The following MECR variants were observed in gnomAD, a reference collection of about 807,000 sequenced individuals.
MECR encodes the protein mitochondrial trans-2-enoyl-CoA reductase.
MECR carries 37 observed loss-of-function variants against 49.1 expected under a neutral mutation model. The ratio of observed to expected loss-of-function variants is 0.75; its 90% confidence interval spans 0.58 to 0.99. MECR has a LOEUF of 0.99. MECR is among the 50% of genes least tolerant of loss of function. The pLI is 0.00. For synonymous variants in MECR, 198 were observed against 191.1 expected, an observed-to-expected ratio of 1.04 and a Z score of -0.30; for missense variants, 470 against 479.6, an observed-to-expected ratio of 0.98 and a Z score of 0.19.
chr1:29,215,245 C>T (rs1375825120), intron 3 of MECR, among the ~76,000 whole-genome samples: 1 of 152,184 alleles, frequency 6.6e-6, no homozygotes, highest in Non-Finnish European at 1.5e-5. Context: ...CCTCATTTTA[C>T]ATCCTCCACA....
intron 1 of MECR, 62 bp downstream of exon 1, chr1:29,230,669 G>A: frequency 6.6e-7 from 1 of 1,526,478 alleles, no homozygotes; most frequent in East Asian, 2.5e-5. Context: ...CCAGTCCGCA[G>A]CTCGTGTTAA....
chr1:29,194,354 A>G (rs1673456117), intron 9 of MECR, among the ~76,000 whole-genome samples, 175 bp from the exon 10 acceptor site: 1 of 152,150 alleles, frequency 6.6e-6, no homozygotes, highest in Non-Finnish European at 1.5e-5. Flanking sequence ...GCCTGTCTTT[A>G]GGACAGTGAG....
chr1:29,178,813 C>A, the MECR span, among the ~76,000 whole-genome samples: 1 of 152,198 alleles, frequency 6.6e-6, no homozygotes, highest in African/African-American at 2.4e-5. Context: ...AGCGTTTTTG[C>A]CATACAGGCA....
At chr1:29,214,455 G>A (rs985640702) in intron 3 of MECR, among the ~76,000 whole-genome samples, 2 of 150,848 alleles carry the variant, frequency 1.3e-5, no homozygotes, top group Admixed American at 1.3e-4. Flanking sequence ...TCCACCTACT[G>A]AGTTCAAGAG....
downstream of MECR, among the ~76,000 whole-genome samples, chr1:29,188,939 A>G (rs1340166657): frequency 3.4e-5 from 5 of 148,092 alleles, no homozygotes; most frequent in East Asian, 8.1e-4. Context: ...CGCCCAGCCT[A>G]TGTTAACTTT....
the MECR span, chr1:29,172,863 C>CAAA: frequency 6.0e-4 from 90 of 149,474 alleles, no homozygotes; most frequent in African/African-American, 2.1e-3. Flanking sequence ...ATTAGGAGAC[C>CAAA]AAAAAAAAGG....
intron 3 of MECR, among the ~76,000 whole-genome samples, chr1:29,208,268 A>C (rs1336590688): frequency 6.6e-6 from 1 of 152,256 alleles, no homozygotes; most frequent in African/African-American, 2.4e-5. Flanking sequence ...CTGGGATTAC[A>C]GGCGTGAGCC....
At chr1:29,203,291 G>C (rs1675784398) in intron 4 of MECR, 58 bp from the exon 5 acceptor site, 1 of 1,372,404 alleles carries the variant, frequency 7.3e-7, no homozygotes, top group Non-Finnish European at 1.0e-6. Flanking sequence ...ATAGGTCAAA[G>C]GCTCCCAGCC....
the MECR span, among the ~76,000 whole-genome samples, chr1:29,176,434 C>A: frequency 1.3e-5 from 2 of 148,568 alleles, no homozygotes; most frequent in South Asian, 4.2e-4. Flanking sequence ...AATACGGTAA[C>A]GATGAATGAC....
intron 1 of MECR, among the ~76,000 whole-genome samples, chr1:29,226,516 G>T (rs966505931): frequency 3.9e-5 from 6 of 152,184 alleles, no homozygotes; most frequent in Non-Finnish European, 5.9e-5. Context: ...AGGATCGCTT[G>T]AGCTGAGGTG....
In MECR at chr1:29,230,854, C is replaced by T; in HGVS notation, c.53G>A (p.Arg18Gln). ...WRVRTPARQW[R>Q]GLLPASGCHG... ...ACAGCCAGAAGCTGGGAGCAGCCCCCGCCACTGCCGGGCGGGGGTTCGCAC... is the reference window on the plus strand; with the variant it reads ...ACAGCCAGAAGCTGGGAGCAGCCCCTGCCACTGCCGGGCGGGGGTTCGCAC... The change falls in exon 1 of 10, where the codon CGG becomes CAG. Residue 18 changes from arginine to glutamine, a missense_variant. Transcript: ENST00000263702. 1.2e-6 allele frequency: 2 copies of T among 1,607,760 alleles called. No individual in the cohort carries two copies. The highest frequency in any genetic ancestry group is 1.7e-6 in the Non-Finnish European group (2 of 1,179,246).
At chr1:29,202,187 G>C in intron 5 of MECR, 142 bp from the exon 6 acceptor site, 2 of 697,656 alleles carry the variant, frequency 2.9e-6, no homozygotes, top group South Asian at 3.5e-5. Context: ...CTTGAGCAGG[G>C]ACCAGCCACC....
Position 29,216,646 on chromosome 1 carries a change from A to G in MECR, c.216T>C (p.Asp72=). Reference sequence around the variant, plus strand: ...GGGCCGCCAGCATCTTCACACGGACATCTGATCCTCTCACAGCAGCTAGCT... The same window carrying G: ...GGGCCGCCAGCATCTTCACACGGACGTCTGATCCTCTCACAGCAGCTAGCT... The part of the protein sequence containing the change: ...NLELAAVRGS[D]VRVKMLAAPI... The change falls in exon 2 of 10, where the codon GAT becomes GAC. Residue 72 remains aspartate (D), a synonymous_variant. Transcript: ENST00000263702. 1 of 1,614,256 alleles carries G rather than the reference A, an allele frequency of 6.2e-7. No homozygotes were observed. Among genetic ancestry groups the G allele is most frequent in the Non-Finnish European group, 8.5e-7 (1 of 1,180,050 alleles).
At chr1:29,220,758 C>T (rs920150600) in intron 1 of MECR, 8 of 324,528 alleles carry the variant, frequency 2.5e-5, no homozygotes, top group African/African-American at 9.0e-5. Context: ...AATATTCCTC[C>T]GTAAAATGGG....
the MECR span, among the ~76,000 whole-genome samples, chr1:29,173,660 G>T: frequency 2.1e-5 from 3 of 146,106 alleles, no homozygotes; most frequent in African/African-American, 7.6e-5. Flanking sequence ...TGCTGGCCAG[G>T]CTGGTCTCAA....
At chr1:29,227,839 GT>G (rs1185948833) in intron 1 of MECR, among the ~76,000 whole-genome samples, 1 of 152,186 alleles carries the variant, frequency 6.6e-6, no homozygotes, top group Admixed American at 6.5e-5. Flanking sequence ...TCTGGCTTCA[GT>G]CCATACGAGA....
At chr1:29,217,084 A>G (rs1311936698) in intron 1 of MECR, among the ~76,000 whole-genome samples, 2 of 124,148 alleles carry the variant, frequency 1.6e-5, no homozygotes, top group African/African-American at 6.0e-5. Flanking sequence ...TAGTGAGCTG[A>G]GATTGTGCCA....
At chr1:29,215,348 G>A (rs1346591880) in intron 3 of MECR, among the ~76,000 whole-genome samples, 2 of 152,168 alleles carry the variant, frequency 1.3e-5, no homozygotes, top group East Asian at 1.9e-4. Flanking sequence ...GGGAGGCTGA[G>A]TGGTGGGTCA....
At chr1:29,210,354 G>C (rs1677684252) in intron 3 of MECR, among the ~76,000 whole-genome samples, 1 of 152,074 alleles carries the variant, frequency 6.6e-6, no homozygotes, top group South Asian at 2.1e-4. Context: ...CCTAGAGTAG[G>C]TCTATGGCTG....
Sources: gnomAD v4.1 joint callset for allele counts (sites outside exome capture counted in the v4.1 genomes callset) on GRCh38, gnomAD v4.1.1 for gene constraint, MANE v1.5 for transcripts, NCBI Gene and HGNC (gene_info 2026-07-23, HGNC 2026-07-21) for gene names.